Variants in MICU1 observed in about 807,000 individuals in gnomAD.
MICU1 encodes calcium uptake protein 1, mitochondrial.
A neutral mutation model predicts 56.8 loss-of-function variants in MICU1; 45 were observed. The ratio of observed to expected loss-of-function variants is 0.79; its 90% CI spans 0.62 to 1.02. MICU1 has a LOEUF of 1.02. Ranked by LOEUF, MICU1 falls within the 50% of genes least tolerant of loss-of-function variation. MICU1 has a pLI of 0.00. For synonymous variants in MICU1, 186 were observed against 195.1 expected, an observed-to-expected ratio of 0.95 and a Z score of 0.39; for missense variants, 504 against 587.1, an observed-to-expected ratio of 0.86 and a Z score of 1.46.
At chr10:72,576,580 AT>A (rs763844458) in intron 1 of MICU1, among the ~76,000 whole-genome samples, 1 of 152,222 alleles carries the variant, frequency 6.6e-6, no homozygotes, top group Non-Finnish European at 1.5e-5. Flanking sequence ...TTTATGAGGT[AT>A]AAGGAAAGAA....
chr10:72,586,545 G>C (rs1469458966), intron 1 of MICU1, among the ~76,000 whole-genome samples: 1 of 151,884 alleles, frequency 6.6e-6, no homozygotes, highest in Non-Finnish European at 1.5e-5. Flanking sequence ...CCAGCTACTC[G>C]GGAGGCTGAG....
chr10:72,518,501 T>C (rs138879553), intron 5 of MICU1, among the ~76,000 whole-genome samples: 2 of 152,150 alleles, frequency 1.3e-5, no homozygotes, highest in East Asian at 3.9e-4. Flanking sequence ...TTGAAAGAAA[T>C]AGAACACACT....
chr10:72,455,215 G>A (rs1865420502), intron 8 of MICU1, among the ~76,000 whole-genome samples: 1 of 151,804 alleles, frequency 6.6e-6, no homozygotes, highest in African/African-American at 2.4e-5. Context: ...AGCCGGATGT[G>A]GTGGTGGGCG....
chr10:72,570,875 T>C (rs1199853903), intron 1 of MICU1, among the ~76,000 whole-genome samples: 2 of 152,162 alleles, frequency 1.3e-5, no homozygotes, highest in African/African-American at 4.8e-5. Flanking sequence ...GATTTTTTTT[T>C]TTTTGGTTCA....
At chr10:72,517,951 C>G (rs553203096) in intron 5 of MICU1, among the ~76,000 whole-genome samples, 8 of 151,916 alleles carry the variant, frequency 5.3e-5, no homozygotes, top group Admixed American at 6.6e-5. Flanking sequence ...ATAATCTTAT[C>G]AGACTGGTAG....
intron 8 of MICU1, among the ~76,000 whole-genome samples, chr10:72,466,573 T>C (rs1013031704): frequency 1.3e-5 from 2 of 152,240 alleles, no homozygotes; most frequent in Non-Finnish European, 2.9e-5. Flanking sequence ...GAACATATCA[T>C]TTTGTTTCTT....
chr10:72,488,902 C>T (rs1866558965), intron 6 of MICU1, among the ~76,000 whole-genome samples: 1 of 152,124 alleles, frequency 6.6e-6, no homozygotes, highest in South Asian at 2.1e-4. Context: ...ATGCAATAAC[C>T]ATTTAGGGTT....
chr10:72,368,568 A>C (rs1862224229), intron 11 of MICU1, among the ~76,000 whole-genome samples: 1 of 152,220 alleles, frequency 6.6e-6, no homozygotes, highest in African/African-American at 2.4e-5. Context: ...ACAAAAGTTG[A>C]ATGAAAATAC....
At chr10:72,398,605 G>A (rs1464784162) in intron 10 of MICU1, among the ~76,000 whole-genome samples, 2 of 151,984 alleles carry the variant, frequency 1.3e-5, no homozygotes, top group East Asian at 1.9e-4. Context: ...AAATGATAAC[G>A]GGGATATACC....
chr10:72,487,799 G>A (rs1403274521), intron 6 of MICU1, among the ~76,000 whole-genome samples: 2 of 152,182 alleles, frequency 1.3e-5, no homozygotes, highest in East Asian at 3.8e-4. Flanking sequence ...TCAATGGGAA[G>A]TCATTAGACG....
At chr10:72,531,122 T>A (rs887975522) in intron 5 of MICU1, among the ~76,000 whole-genome samples, 4 of 152,112 alleles carry the variant, frequency 2.6e-5, no homozygotes, top group African/African-American at 9.7e-5. Flanking sequence ...GTTAAGATAA[T>A]GGGGGCTAAG....
intron 3 of MICU1, among the ~76,000 whole-genome samples, chr10:72,561,415 T>C (rs1840291939): frequency 6.6e-6 from 1 of 152,254 alleles, no homozygotes; most frequent in Non-Finnish European, 1.5e-5. Flanking sequence ...AAATGTATCC[T>C]GACAGAAAAA....
At chr10:72,481,160 T>C (rs575363528) in intron 6 of MICU1, among the ~76,000 whole-genome samples, 1 of 152,312 alleles carries the variant, frequency 6.6e-6, no homozygotes, top group African/African-American at 2.4e-5. Flanking sequence ...TTCAATTTCA[T>C]TGGCTGATCA....
At chr10:72,587,450 G>A (rs553361859) in intron 1 of MICU1, among the ~76,000 whole-genome samples, 7 of 137,048 alleles carry the variant, frequency 5.1e-5, no homozygotes, top group Admixed American at 1.5e-4. Context: ...GACAACAAGA[G>A]TGGCAGCATG....
rs796746523 is a variant in MICU1, at chr10:72,450,726, C to T, written c.933+24374G>A. On this transcript the variant is annotated intron_variant, in intron 8 of 11. Transcript: ENST00000361114. ...TCCTTAAATCTTTATTTTTTTAATTCTTTTTTTTTTTTTTTTGAGATGGGA... is the reference window on the plus strand; with the variant it reads ...TCCTTAAATCTTTATTTTTTTAATTTTTTTTTTTTTTTTTTTGAGATGGGA... Among the ~76,000 whole-genome samples, 350 of 128,780 alleles carry T rather than the reference C, an allele frequency of 2.7e-3. 2 individuals carry two copies. The highest frequency in any genetic ancestry group is 8.9e-3 in the African/African-American group (324 of 36,342). 84.5% of individuals were successfully genotyped at this position (128,780 alleles called of 152,430 possible). A position where few individuals can be genotyped will look rare whatever the true frequency, so the allele number is the denominator to read the frequency against.
chr10:72,408,465 C>T (rs771479844), intron 9 of MICU1, among the ~76,000 whole-genome samples: 18 of 152,220 alleles, frequency 1.2e-4, no homozygotes, highest in African/African-American at 4.1e-4. Context: ...CACACCATCA[C>T]GCCTGGTTAA....
chr10:72,536,201 A>G (rs924926985), intron 4 of MICU1, among the ~76,000 whole-genome samples: 1 of 152,196 alleles, frequency 6.6e-6, no homozygotes, highest in East Asian at 1.9e-4. Context: ...GAAGGAAGGC[A>G]CTGACACAAA....
chr10:72,404,199 A>G (rs1863555758), intron 10 of MICU1, among the ~76,000 whole-genome samples: 1 of 151,198 alleles, frequency 6.6e-6, no homozygotes, highest in South Asian at 2.1e-4. Flanking sequence ...CCTGTTGGCC[A>G]GGCTGGTCTT....
intron 10 of MICU1, among the ~76,000 whole-genome samples, chr10:72,381,380 G>T (rs1324499224): frequency 6.6e-6 from 1 of 152,164 alleles, no homozygotes; most frequent in Non-Finnish European, 1.5e-5. Flanking sequence ...GGCTTTGGGT[G>T]GAACAAGGGG....
Sources: gnomAD v4.1 joint callset for allele counts (sites outside exome capture counted in the v4.1 genomes callset) on GRCh38, gnomAD v4.1.1 for gene constraint, MANE v1.5 for transcripts, NCBI Gene and HGNC (gene_info 2026-07-23, HGNC 2026-07-21) for gene names.